Variants in COL19A1 observed in about 807,000 individuals in gnomAD.
The protein encoded by COL19A1 is collagen alpha-1(XIX) chain.
COL19A1 carries 159 observed loss-of-function variants against 190.2 expected under a neutral mutation model. The observed-to-expected ratio is 0.84, with a 90% CI of 0.73 to 0.95. The LOEUF is 0.95. Among genes scored for constraint, COL19A1 ranks in the 40% least tolerant of loss-of-function variants. The pLI is 0.00. For synonymous variants in COL19A1, 509 were observed against 458.9 expected (o/e 1.11, Z -1.39); for missense variants, 1,418 against 1,431.9 (o/e 0.99, Z 0.16).
At chr6:70,128,095 T>C (rs1392959158) in intron 17 of COL19A1, among the ~76,000 whole-genome samples, 1 of 152,242 alleles carries the variant, frequency 6.6e-6, no homozygotes, top group Non-Finnish European at 1.5e-5. Context: ...TGTTCTCTCA[T>C]ATGTGTATTT....
At chr6:69,917,854 T>C (rs934020781) in intron 4 of COL19A1, among the ~76,000 whole-genome samples, 1 of 152,100 alleles carries the variant, frequency 6.6e-6, no homozygotes, top group Non-Finnish European at 1.5e-5. Context: ...AATCTCATAA[T>C]GTTTTAAGAA....
Position 70,104,554 on chromosome 6 carries a change from C to T in COL19A1, c.1278+2332C>T, listed in dbSNP as rs574818635. Among the ~76,000 whole-genome samples, 3 of 152,294 alleles carry T rather than the reference C, an allele frequency of 2.0e-5. No individual in the cohort carries two copies. In the East Asian group the frequency reaches 5.8e-4, roughly 29 times the overall value. On this transcript the variant is annotated intron_variant, in intron 16 of 50. Coordinates refer to ENST00000620364, the MANE Select transcript of COL19A1 (RefSeq NM_001858.6). Reference sequence around the variant, plus strand: ...CCCAGCACTGAAGACTACAATTTAACATGAGATTTGGTTGGGGACGCAGAG... The same window carrying T: ...CCCAGCACTGAAGACTACAATTTAATATGAGATTTGGTTGGGGACGCAGAG...
intron 24 of COL19A1, 44 bp from the exon 25 acceptor site, chr6:70,144,874 T>C: frequency 7.9e-7 from 1 of 1,271,318 alleles, no homozygotes. Flanking sequence ...CTTCCCACCA[T>C]GAACCTGAGC....
At chr6:70,188,523 G>A (rs1766665936) in intron 47 of COL19A1, among the ~76,000 whole-genome samples, 1 of 152,132 alleles carries the variant, frequency 6.6e-6, no homozygotes, top group African/African-American at 2.4e-5. Flanking sequence ...CTTGCCCAAG[G>A]TCACAGATTT....
intron 1 of COL19A1, among the ~76,000 whole-genome samples, chr6:69,867,168 G>T (rs1366160704): frequency 6.6e-6 from 1 of 151,804 alleles, no homozygotes; most frequent in Non-Finnish European, 1.5e-5. Flanking sequence ...TAAGAGACGC[G>T]GGGTTCCGGT....
In COL19A1 at chr6:70,208,905, T is replaced by A; in HGVS notation, c.*1631T>A. 6.5e-6 allele frequency: 1 copy of A among 152,688 alleles called. No individual in the cohort carries two copies. Among genetic ancestry groups the A allele is most frequent in the East Asian group, 1.9e-4 (1 of 5,202 alleles). 9.5% of individuals were successfully genotyped at this position (152,688 alleles called of 1,614,324 possible). A position where few individuals can be genotyped will look rare whatever the true frequency, so the allele number is the denominator to read the frequency against. ...ATAGATTAATGAACTGCTGGTCAGG[T>A]ACTGTCTACAATGGCTGTGCATACC... is the stretch of plus-strand genomic sequence containing the variant. On this transcript the variant is annotated 3_prime_UTR_variant, in exon 51 of 51. Transcript: ENST00000620364.
At chr6:70,085,020 A>G (rs1309439232) in intron 15 of COL19A1, among the ~76,000 whole-genome samples, 1 of 152,140 alleles carries the variant, frequency 6.6e-6, no homozygotes, top group African/African-American at 2.4e-5. Context: ...CCCGAAGTTG[A>G]TGATTAGAAA....
rs1215992480 is a variant in COL19A1 at position 69,921,261 on chromosome 6, C to A, written c.267-6648C>A. The stretch of plus-strand genomic sequence containing the variant: ...TATCCATATATGTCATATATCATAT[C>A]ATATATCATATATATCATATATCAT... On this transcript the variant is annotated intron_variant, in intron 4 of 50. Transcript: ENST00000620364. 6.2e-5 allele frequency among the ~76,000 whole-genome samples: 8 copies of A among 129,258 alleles called. 1 individual carries two copies. The Admixed American group carries it at 7.2e-4, about 12-fold the overall frequency. The allele number at this position is 129,258 out of a possible 152,430, so 84.8% of individuals were successfully genotyped here. A position where few individuals can be genotyped will look rare whatever the true frequency, so the allele number is the denominator to read the frequency against.
chr6:69,901,842 T>G (rs1296446649), intron 4 of COL19A1, among the ~76,000 whole-genome samples: 1 of 152,178 alleles, frequency 6.6e-6, no homozygotes, highest in Non-Finnish European at 1.5e-5. Context: ...GCAAAAGGAG[T>G]GAAACCTTTT....
intron 4 of COL19A1, among the ~76,000 whole-genome samples, chr6:69,922,642 G>A (rs1007177303): frequency 6.6e-6 from 1 of 151,852 alleles, no homozygotes; most frequent in African/African-American, 2.4e-5. Context: ...CACCATGCCT[G>A]ACTAATTTTT....
At chr6:70,026,996 ACT>A (rs1778763251) in intron 12 of COL19A1, among the ~76,000 whole-genome samples, 1 of 152,146 alleles carries the variant, frequency 6.6e-6, no homozygotes, top group South Asian at 2.1e-4. Flanking sequence ...ATGACAGTTC[ACT>A]CTGACTTTCA....
intron 11 of COL19A1, among the ~76,000 whole-genome samples, chr6:69,965,499 ACT>A (rs986403745): frequency 6.6e-6 from 1 of 152,104 alleles, no homozygotes; most frequent in Non-Finnish European, 1.5e-5. Flanking sequence ...AGAGTTGAAC[ACT>A]CTCTCCTTAG....
chr6:70,043,638 C>G (rs1047105616), intron 14 of COL19A1, among the ~76,000 whole-genome samples: 11 of 152,164 alleles, frequency 7.2e-5, no homozygotes, highest in Non-Finnish European at 1.0e-4. Context: ...TTACCAGATG[C>G]GTTGTCAATG....
intron 15 of COL19A1, among the ~76,000 whole-genome samples, chr6:70,074,513 A>G (rs1299523659): frequency 2.6e-5 from 4 of 151,666 alleles, no homozygotes; most frequent in Admixed American, 1.3e-4. Context: ...AAAAAAAAAA[A>G]AAAAGAGAGA....
intron 15 of COL19A1, among the ~76,000 whole-genome samples, chr6:70,085,859 TAGAGA>T (rs1304171037): frequency 3.3e-5 from 5 of 152,188 alleles, no homozygotes; most frequent in African/African-American, 7.2e-5. Context: ...ATTGTGCTAT[TAGAGA>T]AAAGTCCCAT....
intron 11 of COL19A1, among the ~76,000 whole-genome samples, chr6:69,966,577 C>G (rs912484537): frequency 5.3e-5 from 8 of 151,972 alleles, no homozygotes; most frequent in Non-Finnish European, 1.2e-4. Flanking sequence ...GCAGCATGCT[C>G]GTTAAGAGTC....
chr6:70,156,545 C>T, intron 33 of COL19A1, 125 bp from the exon 34 acceptor site: 1 of 1,118,346 alleles, frequency 8.9e-7, no homozygotes, highest in Admixed American at 2.4e-5. Flanking sequence ...GCAAATGTTG[C>T]CATTTATTTG....
intron 42 of COL19A1, among the ~76,000 whole-genome samples, chr6:70,176,987 C>T (rs934494518): frequency 1.3e-5 from 2 of 152,144 alleles, no homozygotes; most frequent in African/African-American, 2.4e-5. Context: ...ATTCCTTAGC[C>T]CAGTGTTATT....
chr6:70,136,615 A>G (rs933605949), intron 18 of COL19A1, among the ~76,000 whole-genome samples: 3 of 152,330 alleles, frequency 2.0e-5, no homozygotes, highest in African/African-American at 7.2e-5. Flanking sequence ...ATATGCAGTA[A>G]AAGTACAATA....
Sources: allele counts gnomAD v4.1 joint callset (sites outside exome capture counted in the v4.1 genomes callset), GRCh38; gene constraint gnomAD v4.1.1; transcripts MANE v1.5; gene names NCBI Gene and HGNC (gene_info 2026-07-23, HGNC 2026-07-21).